The following CPA6 variants were observed in gnomAD, a reference collection of about 807,000 sequenced individuals.
CPA6 encodes the protein carboxypeptidase A6, also known as carboxypeptidase B.
Under a neutral mutation model 63.3 loss-of-function variants are expected in CPA6, and 58 were observed. The ratio of observed to expected loss-of-function variants is 0.92; its 90% CI spans 0.74 to 1.14. The LOEUF is 1.14. Ranked by LOEUF, CPA6 falls within the 50% of genes most tolerant of loss-of-function variation. The probability of loss-of-function intolerance (pLI) is 0.00; values close to 1 mark genes in which losing one functional copy is unlikely to be tolerated. For synonymous variants in CPA6, 185 were observed against 179.0 expected, an observed-to-expected ratio of 1.03 and a Z score of -0.27; for missense variants, 565 against 526.6, an observed-to-expected ratio of 1.07 and a Z score of -0.71.
chr8:67,616,548 T>G (rs55799338), intron 2 of CPA6, among the ~76,000 whole-genome samples: 2 of 130,036 alleles, frequency 1.5e-5, no homozygotes, highest in African/African-American at 6.0e-5. Context: ...TGTGTGTGTG[T>G]GTGTTGTGGG....
intron 1 of CPA6, among the ~76,000 whole-genome samples, chr8:67,720,893 A>G (rs1358255340): frequency 1.3e-5 from 2 of 152,210 alleles, no homozygotes; most frequent in African/African-American, 4.8e-5. Context: ...ATTCAGCCTA[A>G]GAAAGATCAA....
chr8:67,678,996 C>T (rs766357063), intron 1 of CPA6, among the ~76,000 whole-genome samples: 5 of 152,032 alleles, frequency 3.3e-5, no homozygotes, highest in Non-Finnish European at 5.9e-5. Context: ...ATAACAATTC[C>T]GACAGAGGTA....
chr8:67,538,886 C>T (rs188945146), intron 2 of CPA6, among the ~76,000 whole-genome samples: 86 of 152,246 alleles, frequency 5.6e-4, no homozygotes, highest in Non-Finnish European at 7.6e-4. Context: ...GTCTTGATCT[C>T]CTGACCTCAT....
intron 6 of CPA6, among the ~76,000 whole-genome samples, chr8:67,485,419 G>A (rs1811456916): frequency 6.6e-6 from 1 of 152,044 alleles, no homozygotes; most frequent in South Asian, 2.1e-4. Flanking sequence ...TGTATGTATT[G>A]CTACATATAT....
chr8:67,575,666 G>C (rs1813604473), intron 2 of CPA6, among the ~76,000 whole-genome samples: 1 of 152,134 alleles, frequency 6.6e-6, no homozygotes, highest in Admixed American at 6.5e-5. Context: ...AGACCAGCCT[G>C]GCCAACATGG....
intron 8 of CPA6, among the ~76,000 whole-genome samples, chr8:67,464,184 A>T (rs1810875849): frequency 1.3e-5 from 2 of 151,996 alleles, no homozygotes; most frequent in Admixed American, 1.3e-4. Context: ...TGTTATTTTT[A>T]TTATTATTTT....
chr8:67,504,165 A>G (rs1477871326), intron 6 of CPA6, among the ~76,000 whole-genome samples: 1 of 152,176 alleles, frequency 6.6e-6, no homozygotes, highest in Non-Finnish European at 1.5e-5. Context: ...CTGACTTCCA[A>G]CTGTGTGCAC....
chr8:67,714,731 A>T (rs1817342901), intron 1 of CPA6, among the ~76,000 whole-genome samples: 1 of 152,174 alleles, frequency 6.6e-6, no homozygotes, highest in Admixed American at 6.5e-5. Context: ...CAGTTGTTTT[A>T]TTGGCAAAGT....
In CPA6 at chr8:67,446,263, TAAAA is replaced by T. The variant is rs765715315; in HGVS notation, c.839-12027_839-12024del. Among the ~76,000 whole-genome samples, 4 of 133,076 alleles carry T rather than the reference TAAAA, an allele frequency of 3.0e-5. No homozygotes were observed. In the East Asian group the frequency reaches 8.5e-4, roughly 28 times the overall value. The allele number at this position is 133,076 out of a possible 152,430, so 87.3% of individuals were successfully genotyped here. A position where few individuals can be genotyped will look rare whatever the true frequency, so the allele number is the denominator to read the frequency against. On this transcript the variant is annotated intron_variant, in intron 8 of 10. Transcript: ENST00000297770. ...CTGGGAGACAGAGCGAGACTCCATCTAAAAAAAAAAAAAAAAGTAGTCATTTGCT... is the reference window on the plus strand; with the variant it reads ...CTGGGAGACAGAGCGAGACTCCATCTAAAAAAAAAAAAGTAGTCATTTGCT...
At chr8:67,477,244 T>G (rs900721983) in intron 8 of CPA6, among the ~76,000 whole-genome samples, 2 of 133,220 alleles carry the variant, frequency 1.5e-5, no homozygotes, top group Non-Finnish European at 3.0e-5. Flanking sequence ...GAGCTGAGAT[T>G]GCACCACTGC....
chr8:67,438,139 A>G (rs1385016409), intron 8 of CPA6, among the ~76,000 whole-genome samples: 2 of 151,992 alleles, frequency 1.3e-5, no homozygotes, highest in African/African-American at 4.8e-5. Context: ...GCTTGTCTTG[A>G]ACTCCTGACC....
intron 2 of CPA6, 111 bp from the exon 3 acceptor site, chr8:67,518,158 T>C (rs1354595080): frequency 9.4e-7 from 1 of 1,065,774 alleles, no homozygotes; most frequent in African/African-American, 1.6e-5. Context: ...AAACATATTT[T>C]GGAATTAGAC....
intron 6 of CPA6, among the ~76,000 whole-genome samples, chr8:67,504,646 C>A (rs979584675): frequency 7.9e-5 from 12 of 152,200 alleles, no homozygotes; most frequent in Admixed American, 6.5e-4. Context: ...ACATCATCCC[C>A]CAGTGAAGCC....
intron 2 of CPA6, among the ~76,000 whole-genome samples, chr8:67,561,350 A>G (rs752965539): frequency 3.7e-4 from 56 of 152,332 alleles, no homozygotes; most frequent in Admixed American, 1.9e-3. Context: ...CACCTTTTCA[A>G]TCAAGTCATC....
intron 2 of CPA6, among the ~76,000 whole-genome samples, chr8:67,541,004 G>C (rs1477433072): frequency 1.3e-5 from 2 of 152,154 alleles, no homozygotes; most frequent in Non-Finnish European, 2.9e-5. Context: ...TCTTTCTGGG[G>C]AGCGAATGTT....
chr8:67,628,520 A>G (rs1195530330), intron 1 of CPA6, among the ~76,000 whole-genome samples: 1 of 152,036 alleles, frequency 6.6e-6, no homozygotes, highest in African/African-American at 2.4e-5. Context: ...TTCTCTTCCA[A>G]CTCCAAGCCT....
chr8:67,569,910 GAGAGT>G (rs1481453648), intron 2 of CPA6: 1 of 162,246 alleles, frequency 6.2e-6, no homozygotes, highest in Non-Finnish European at 1.3e-5. Context: ...TGTACAAGAG[GAGAGT>G]AAAGAGGAAG....
In CPA6 at chr8:67,484,782, A is replaced by G. The variant is rs1811441265; in HGVS notation, c.644T>C (p.Leu215Pro). ...FCQWFVKEAL[L>P]TYKSDPAMRK... Reference sequence around the variant, plus strand: ...CATGGCTGGGTCACTCTTATATGTTAGAAGAGCCTAAAAGACAAAGGTGAG... The same window carrying G: ...CATGGCTGGGTCACTCTTATATGTTGGAAGAGCCTAAAAGACAAAGGTGAG... The change falls in exon 7 of 11, where the codon CTA (leucine) becomes CCA (proline). Residue 215 changes from leucine to proline, a missense_variant. Physicochemically the swap from Leu to Pro is moderately conservative, Grantham distance 98. Coordinates refer to ENST00000297770, the MANE Select transcript of CPA6 (RefSeq NM_020361.5). The G allele has an allele frequency of 1.3e-6, 2 of 1,571,184 alleles. No individual in the cohort carries two copies. The highest frequency in any genetic ancestry group is 1.7e-6 in the Non-Finnish European group (2 of 1,144,966).
chr8:67,698,150 G>C (rs1220029402), intron 1 of CPA6, among the ~76,000 whole-genome samples: 2 of 152,142 alleles, frequency 1.3e-5, no homozygotes, highest in African/African-American at 4.8e-5. Context: ...TATTTGGCTA[G>C]GTAATAATGA....
Sources: gnomAD v4.1 joint callset for allele counts (sites outside exome capture counted in the v4.1 genomes callset) on GRCh38, gnomAD v4.1.1 for gene constraint, MANE v1.5 for transcripts, NCBI Gene and HGNC (gene_info 2026-07-23, HGNC 2026-07-21) for gene names.